EPHA6: variants seen among roughly 807,000 people sequenced by gnomAD.
The protein encoded by EPHA6 is ephrin type-A receptor 6.
Under a neutral mutation model 112.0 loss-of-function variants are expected in EPHA6, and 50 were observed. The observed-to-expected ratio is 0.45, with a 90% CI of 0.36 to 0.56. The LOEUF is 0.56. Among genes scored for constraint, EPHA6 ranks in the 20% least tolerant of loss-of-function variants. The pLI, the probability that EPHA6 is intolerant of heterozygous loss-of-function variation, is 0.00. For missense variants in EPHA6, 1,280 were observed against 1,417.4 expected, an observed-to-expected ratio of 0.90 and a Z score of 1.56; for synonymous variants, 529 against 490.7, an observed-to-expected ratio of 1.08 and a Z score of -1.03.
intron 10 of EPHA6, among the ~76,000 whole-genome samples, chr3:97,525,755 A>G (rs766032487): frequency 2.0e-5 from 3 of 152,180 alleles, no homozygotes; most frequent in Non-Finnish European, 2.9e-5. Context: ...TGGAAACTGC[A>G]GTTGGCAGTG....
chr3:97,542,141 T>G (rs1022034624), intron 11 of EPHA6, among the ~76,000 whole-genome samples: 1 of 152,036 alleles, frequency 6.6e-6, no homozygotes, highest in Admixed American at 6.6e-5. Context: ...GTGCACAATG[T>G]GCACCTTTGT....
At chr3:97,130,731 A>T (rs1045257550) in intron 3 of EPHA6, among the ~76,000 whole-genome samples, 3 of 152,158 alleles carry the variant, frequency 2.0e-5, no homozygotes, top group Non-Finnish European at 4.4e-5. Context: ...AGGAATGTAG[A>T]CTTGAATAAT....
At chr3:96,826,751 C>T (rs1017784654) in intron 1 of EPHA6, among the ~76,000 whole-genome samples, 2 of 152,060 alleles carry the variant, frequency 1.3e-5, no homozygotes, top group Admixed American at 6.6e-5. Context: ...GTGTTTATTA[C>T]AGTTTCAAAA....
chr3:97,112,122 G>C (rs1286369299), intron 3 of EPHA6, among the ~76,000 whole-genome samples: 1 of 152,052 alleles, frequency 6.6e-6, no homozygotes, highest in Non-Finnish European at 1.5e-5. Flanking sequence ...GGTTCATAAA[G>C]ATATAGTATT....
intron 5 of EPHA6, among the ~76,000 whole-genome samples, chr3:97,297,992 G>A (rs2108705520): frequency 6.6e-6 from 1 of 152,230 alleles, no homozygotes; most frequent in Middle Eastern, 3.4e-3. Flanking sequence ...TCGATCTCTT[G>A]ACCTCATGGT....
intron 6 of EPHA6, among the ~76,000 whole-genome samples, chr3:97,413,671 C>T (rs1198380571): frequency 1.3e-5 from 2 of 151,920 alleles, no homozygotes; most frequent in Non-Finnish European, 2.9e-5. Flanking sequence ...TTGCATGGCT[C>T]AGTTCCCAAG....
At chr3:97,399,696 A>AT (rs2086880855) in intron 5 of EPHA6, among the ~76,000 whole-genome samples, 1 of 151,660 alleles carries the variant, frequency 6.6e-6, no homozygotes, top group African/African-American at 2.4e-5. Context: ...GATGATGAGC[A>AT]TTTTTTATAT....
chr3:97,535,250 A>G (rs1169675876), intron 11 of EPHA6, among the ~76,000 whole-genome samples: 1 of 148,278 alleles, frequency 6.7e-6, no homozygotes, highest in South Asian at 2.1e-4. Flanking sequence ...AAATGAGACC[A>G]GTGACCTCTA....
At chr3:97,271,331 T>TACTGTC (rs1177547178) in intron 5 of EPHA6, among the ~76,000 whole-genome samples, 1 of 152,248 alleles carries the variant, frequency 6.6e-6, no homozygotes, top group Non-Finnish European at 1.5e-5. Context: ...AATGGTATTT[T>TACTGTC]ACTGTCCTTT....
At chr3:97,674,536 A>G (rs967671274) in intron 14 of EPHA6, among the ~76,000 whole-genome samples, 2 of 152,190 alleles carry the variant, frequency 1.3e-5, no homozygotes, top group Non-Finnish European at 2.9e-5. Flanking sequence ...TCTAGACAGT[A>G]CTAGCTTCTG....
intron 10 of EPHA6, among the ~76,000 whole-genome samples, chr3:97,527,311 C>G (rs116753836): frequency 6.6e-6 from 1 of 152,096 alleles, no homozygotes; most frequent in African/African-American, 2.4e-5. Flanking sequence ...TCTGTACTCT[C>G]AAAACAATAA....
At chr3:97,366,610 T>G (rs1030662854) in intron 5 of EPHA6, among the ~76,000 whole-genome samples, 2 of 135,872 alleles carry the variant, frequency 1.5e-5, no homozygotes, top group African/African-American at 6.5e-5. Context: ...ACAATTACTG[T>G]TTTTTTTTTT....
Position 97,478,939 on chromosome 3 carries a change from C to G in EPHA6, c.2004-355C>G, listed in dbSNP as rs182481590. Reference sequence around the variant, plus strand: ...GCTGTTTAGCAGTGAAAATGGAAGACAGTTGTATACATTTCTGAAATTCTG... The same window carrying G: ...GCTGTTTAGCAGTGAAAATGGAAGAGAGTTGTATACATTTCTGAAATTCTG... On this transcript the variant is annotated intron_variant, in intron 8 of 17. Transcript: ENST00000389672. Among the ~76,000 whole-genome samples, 3 of 152,200 alleles carry G rather than the reference C, an allele frequency of 2.0e-5. No homozygotes were observed. In the East Asian group the frequency reaches 5.8e-4, roughly 29 times the overall value.
chr3:97,274,540 G>A (rs2080002797), intron 5 of EPHA6, among the ~76,000 whole-genome samples: 1 of 152,194 alleles, frequency 6.6e-6, no homozygotes, highest in Admixed American at 6.5e-5. Context: ...CATATTTAGA[G>A]TCAGTATAAA....
At chr3:97,589,596 A>C (rs2093524288) in intron 11 of EPHA6, among the ~76,000 whole-genome samples, 1 of 152,200 alleles carries the variant, frequency 6.6e-6, no homozygotes, top group Admixed American at 6.5e-5. Flanking sequence ...AATACTAGGA[A>C]TGCCTTTCCT....
chr3:97,189,893 C>T (rs771822801), intron 3 of EPHA6, among the ~76,000 whole-genome samples: 4 of 152,020 alleles, frequency 2.6e-5, no homozygotes, highest in Admixed American at 6.6e-5. Flanking sequence ...ACAATTTTTA[C>T]GTGCTATTCC....
intron 3 of EPHA6, among the ~76,000 whole-genome samples, chr3:97,161,937 G>T (rs1244450658): frequency 6.6e-6 from 1 of 152,168 alleles, no homozygotes; most frequent in Non-Finnish European, 1.5e-5. Flanking sequence ...GGACAGTGAA[G>T]GTATATTGCT....
At chr3:96,873,265 GAA>G (rs879807194) in intron 2 of EPHA6, among the ~76,000 whole-genome samples, 1 of 140,418 alleles carries the variant, frequency 7.1e-6, no homozygotes. Flanking sequence ...TTTCATCTCA[GAA>G]AAAAAAAAAA....
At chr3:96,868,250 T>C (rs976273610) in intron 2 of EPHA6, among the ~76,000 whole-genome samples, 11 of 151,494 alleles carry the variant, frequency 7.3e-5, no homozygotes, top group African/African-American at 2.7e-4. Context: ...ATAGGTGGTA[T>C]AAATAAGATT....
Sources: gnomAD v4.1 joint callset for allele counts (sites outside exome capture counted in the v4.1 genomes callset) on GRCh38, gnomAD v4.1.1 for gene constraint, MANE v1.5 for transcripts, NCBI Gene and HGNC (gene_info 2026-07-23, HGNC 2026-07-21) for gene names.